Variants in DENND1C observed in about 807,000 individuals in gnomAD.
DENND1C encodes DENN domain-containing protein 1C.
A neutral mutation model predicts 87.9 loss-of-function variants in DENND1C; 64 were observed. The observed-to-expected ratio is 0.73, with a 90% CI of 0.60 to 0.90. The LOEUF is 0.90. DENND1C is among the 40% of genes least tolerant of loss of function. The pLI, the probability that DENND1C is intolerant of heterozygous loss-of-function variation, is 0.00. For missense variants in DENND1C, 980 were observed against 1,037.0 expected, an observed-to-expected ratio of 0.95 and a Z score of 0.76; for synonymous variants, 384 against 424.4, an observed-to-expected ratio of 0.90 and a Z score of 1.17.
chr19:6,480,301 G>A, intron 1 of DENND1C: 1 of 1,406,048 alleles, frequency 7.1e-7, no homozygotes, highest in Non-Finnish European at 9.3e-7. Context: ...ATGATTGTGT[G>A]TGGCTGAGTG....
chr19:6,476,146 T>A (rs555722995), intron 10 of DENND1C: 2 of 565,064 alleles, frequency 3.5e-6, no homozygotes, highest in South Asian at 4.8e-5. Context: ...CCAGGACTCA[T>A]ACCGTCCTGA....
Position 6,476,841 on chromosome 19 carries a change from G to T in DENND1C, c.678+16C>A. 1 of 1,605,880 alleles carries T rather than the reference G, an allele frequency of 6.2e-7. No individual in the cohort carries two copies. Among genetic ancestry groups the T allele is most frequent in the South Asian group, 1.1e-5 (1 of 90,592 alleles). ...CAGGCCCTGCTCCCACCCCGGCCCG[G>T]CGGACCCCGCCTCACGGTGCTGAGT... On this transcript the variant is annotated intron_variant, in intron 10 of 22. Transcript: ENST00000381480.
chr19:6,477,466 G>A lies in DENND1C; in HGVS notation c.367-8C>T. 4 of 1,612,542 alleles carry A rather than the reference G, an allele frequency of 2.5e-6. No homozygotes were observed. The highest frequency in any genetic ancestry group is 3.4e-6 in the Non-Finnish European group (4 of 1,179,498). ...TTCCTCTGCCTCGGTGACCTGGGTGGGACGTGGAGGGGCGGGGGTGGCTGA... is the reference window on the plus strand; with the variant it reads ...TTCCTCTGCCTCGGTGACCTGGGTGAGACGTGGAGGGGCGGGGGTGGCTGA... On this transcript the variant is annotated splice_polypyrimidine_tract_variant and splice_region_variant and intron_variant, in intron 6 of 22. Coordinates refer to ENST00000381480, the MANE Select transcript of DENND1C (RefSeq NM_024898.4).
chr19:6,480,423 C>T, intron 1 of DENND1C: 1 of 1,108,330 alleles, frequency 9.0e-7, no homozygotes, highest in Non-Finnish European at 1.1e-6. Context: ...TGAAGGACAG[C>T]CCGTGCAGTC....
chr19:6,469,348 G>T, intron 19 of DENND1C: 1 of 490,038 alleles, frequency 2.0e-6, no homozygotes. Flanking sequence ...TCTTTTTTTT[G>T]AGACAGGGTC....
intron 14 of DENND1C, among the ~76,000 whole-genome samples, chr19:6,474,410 C>T (rs1358602924): frequency 6.6e-6 from 1 of 152,080 alleles, no homozygotes; most frequent in Non-Finnish European, 1.5e-5. Context: ...AATGATTTTA[C>T]AGATTGGTTG....
chr19:6,471,259 TCTTAC>T lies in DENND1C; in HGVS notation c.1290+1_1290+5del, dbSNP rs763162055. The T allele has an allele frequency of 4.4e-6, 7 of 1,584,412 alleles. No homozygotes were observed. The highest frequency in any genetic ancestry group is 6.0e-6 in the Non-Finnish European group (7 of 1,164,960). ...CGCCCACGGCCTATTGTTCTGGTGG[TCTTAC>T]CTTTAGATTGTCGGCCCAGAGCTGA... On this transcript the variant is annotated splice_donor_variant and splice_donor_5th_base_variant and intron_variant, in intron 17 of 22. Transcript: ENST00000381480. LOFTEE classifies it high-confidence loss of function.
At chr19:6,473,460 T>G (rs1316243543) in intron 14 of DENND1C, among the ~76,000 whole-genome samples, 4 of 36,090 alleles carry the variant, frequency 1.1e-4, no homozygotes. Context: ...GCCCTGGTTT[T>G]TTTTTTTTTT....
intron 6 of DENND1C, among the ~76,000 whole-genome samples, chr19:6,478,581 C>A (rs551483795): frequency 1.3e-5 from 2 of 151,818 alleles, no homozygotes; most frequent in East Asian, 3.9e-4. Context: ...TTTGTAGAGA[C>A]GGGGGTCTCA....
rs749601667 is a variant in DENND1C at position 6,468,212 on chromosome 19, G to C, written c.1791+22C>G. ...TAGGGGAAGACTTGGGGTAGGGTTG[G>C]GGGAGTGGGCGAGGCTCTCACCAGG... On this transcript the variant is annotated intron_variant, in intron 22 of 22. Transcript: ENST00000381480. 17 of 1,612,996 alleles carry C rather than the reference G, an allele frequency of 1.1e-5. No individual in the cohort carries two copies. In the East Asian group the frequency reaches 3.6e-4, roughly 34 times the overall value.
chr19:6,480,269 G>A, intron 1 of DENND1C: 2 of 1,435,066 alleles, frequency 1.4e-6, no homozygotes, highest in Non-Finnish European at 9.1e-7. Flanking sequence ...GAGAAAGTGT[G>A]ACTGTGTGTG....
chr19:6,475,308 A>G lies in DENND1C; in HGVS notation c.1019T>C (p.Phe340Ser). Residue 340 changes from phenylalanine to serine, a missense_variant, in exon 14 of 23, where the codon TTC becomes TCC. Coordinates refer to ENST00000381480, the MANE Select transcript of DENND1C (RefSeq NM_024898.4). ...RLFLKAQALL[F>S]GGYRDALVCS... The stretch of plus-strand genomic sequence containing the variant: ...GACGAGTGCGTCGCGGTACCCCCCG[A>G]AGAGCAGGGCCTGGGCTTTGAGGAA... The G allele has an allele frequency of 6.2e-7, 1 of 1,613,398 alleles. No homozygotes were observed. The highest frequency in any genetic ancestry group is 8.5e-7 in the Non-Finnish European group (1 of 1,179,836).
chr19:6,479,565 C>G, intron 4 of DENND1C, 104 bp downstream of exon 4: 2 of 1,452,772 alleles, frequency 1.4e-6, no homozygotes, highest in Non-Finnish European at 9.6e-7. Context: ...TCAGGGTCCT[C>G]GAGTGTATGG....
intron 15 of DENND1C, among the ~76,000 whole-genome samples, chr19:6,471,838 TC>T (rs2092831214): frequency 6.6e-6 from 1 of 152,150 alleles, no homozygotes; most frequent in Non-Finnish European, 1.5e-5. Context: ...AGACAGGGTT[TC>T]CCCATGTTGG....
chr19:6,474,501 G>A (rs1214549081), intron 14 of DENND1C, among the ~76,000 whole-genome samples: 3 of 152,166 alleles, frequency 2.0e-5, no homozygotes, highest in African/African-American at 7.2e-5. Flanking sequence ...CAAAGCCTTG[G>A]TTTCCTCATA....
At chr19:6,470,437 T>A (rs572481469) in intron 17 of DENND1C, 71 bp from the exon 18 acceptor site, 1 of 1,482,220 alleles carries the variant, frequency 6.7e-7, no homozygotes, top group African/African-American at 1.4e-5. Flanking sequence ...GGTTGTGTGA[T>A]GCCAATCAAG....
intron 18 of DENND1C, 117 bp from the exon 19 acceptor site, chr19:6,469,757 G>T: frequency 9.7e-7 from 1 of 1,026,394 alleles, no homozygotes; most frequent in Non-Finnish European, 1.5e-6. Context: ...TCTCAAATAC[G>T]TTCACCACCC....
intron 15 of DENND1C, among the ~76,000 whole-genome samples, chr19:6,471,944 G>A (rs964433589): frequency 2.0e-5 from 3 of 152,174 alleles, no homozygotes; most frequent in Admixed American, 6.5e-5. Flanking sequence ...TCCCCGGCCC[G>A]GAGCCCACTT....
Position 6,475,352 on chromosome 19 carries a change from C to G in DENND1C, c.975G>C (p.Gly325=). Residue 325 remains glycine (G), a synonymous_variant, in exon 14 of 23, where the codon GGG becomes GGC. Coordinates refer to ENST00000381480, the MANE Select transcript of DENND1C (RefSeq NM_024898.4). ...LRLRKVALAP[G]EGVSRLFLKA... ...TGAGGAAGAGACGGGACACCCCTTC[C>G]CCGGGGGCCAGGGCGACCTTCCTGA... 5.6e-6 allele frequency: 9 copies of G among 1,612,698 alleles called. No individual in the cohort carries two copies. The highest frequency in any genetic ancestry group is 7.6e-6 in the Non-Finnish European group (9 of 1,179,354).
Sources: gnomAD v4.1 joint callset for allele counts (sites outside exome capture counted in the v4.1 genomes callset) on GRCh38, gnomAD v4.1.1 for gene constraint, MANE v1.5 for transcripts, NCBI Gene and HGNC (gene_info 2026-07-23, HGNC 2026-07-21) for gene names.